Variants in SNTG1 observed in about 807,000 individuals in gnomAD.
SNTG1 encodes the protein gamma-1-syntrophin.
SNTG1 carries 39 observed loss-of-function variants against 74.7 expected under a neutral mutation model. The ratio of observed to expected loss-of-function variants is 0.52; its 90% CI spans 0.40 to 0.68. The LOEUF is 0.68. Ranked by LOEUF, SNTG1 falls within the 30% of genes least tolerant of loss-of-function variation. SNTG1 has a pLI of 0.00. For missense variants in SNTG1, 685 were observed against 609.5 expected (o/e 1.12, Z -1.30); for synonymous variants, 254 against 217.1 (o/e 1.17, Z -1.49).
At chr8:50,697,996 A>G (rs1428769435) in intron 15 of SNTG1, among the ~76,000 whole-genome samples, 1 of 152,162 alleles carries the variant, frequency 6.6e-6, no homozygotes, top group Non-Finnish European at 1.5e-5. Flanking sequence ...GAAAAGTTTC[A>G]GGAGTATTGG....
At chr8:50,598,332 T>C (rs142538255) in intron 13 of SNTG1, among the ~76,000 whole-genome samples, 1,901 of 152,030 alleles carry the variant, frequency 0.013, 43 homozygotes, top group African/African-American at 0.042. Context: ...TTCCCAACAT[T>C]GTTATTGAAA....
At chr8:50,763,674 G>T (rs937644330) in intron 18 of SNTG1, among the ~76,000 whole-genome samples, 2 of 149,530 alleles carry the variant, frequency 1.3e-5, no homozygotes, top group Non-Finnish European at 3.0e-5. Context: ...GTGTGTGTGT[G>T]TGTGTGTGTG....
chr8:50,412,654 A>G (rs150954295), intron 4 of SNTG1, among the ~76,000 whole-genome samples: 449 of 152,336 alleles, frequency 2.9e-3, no homozygotes, highest in African/African-American at 0.01. Flanking sequence ...TGCTTTCCAG[A>G]GGATGTGATT....
At chr8:50,389,528 A>G (rs143373694) in intron 2 of SNTG1, among the ~76,000 whole-genome samples, 48 of 152,290 alleles carry the variant, frequency 3.2e-4, no homozygotes, top group African/African-American at 1.1e-3. Flanking sequence ...ATTGTAAATA[A>G]TGCCACAATA....
intron 12 of SNTG1, among the ~76,000 whole-genome samples, chr8:50,584,360 GAACTAGTTTACCGTCCCACC>G (rs1169836271): frequency 1.3e-5 from 2 of 151,602 alleles, no homozygotes; most frequent in East Asian, 3.9e-4. Context: ...CACAATGGTT[GAACTAGTTTACCGTCCCACC>G]AACAGCGTAA....
intron 2 of SNTG1, among the ~76,000 whole-genome samples, chr8:50,293,482 T>A (rs2089222857): frequency 6.6e-6 from 1 of 151,454 alleles, no homozygotes; most frequent in Admixed American, 6.6e-5. Flanking sequence ...TGATCTCAGC[T>A]CACTGCAACC....
chr8:50,114,304 A>G (rs898888212), intron 1 of SNTG1, among the ~76,000 whole-genome samples: 1 of 152,218 alleles, frequency 6.6e-6, no homozygotes. Context: ...CAGTAAAAGA[A>G]TGTATCTCAT....
intron 2 of SNTG1, among the ~76,000 whole-genome samples, chr8:50,301,830 G>GTTTTTGTTTTTGT (rs1287089614): frequency 6.7e-6 from 1 of 148,556 alleles, no homozygotes; most frequent in Non-Finnish European, 1.5e-5. Flanking sequence ...GCTCTGTTTT[G>GTTTTTGTTTTTGT]TTTTTGTTTT....
At chr8:50,228,340 A>T (rs1292916862) in intron 2 of SNTG1, among the ~76,000 whole-genome samples, 1 of 151,976 alleles carries the variant, frequency 6.6e-6, no homozygotes, top group Non-Finnish European at 1.5e-5. Context: ...CTTACAAAGA[A>T]AAAAAGATGA....
intron 2 of SNTG1, among the ~76,000 whole-genome samples, chr8:50,358,458 G>A (rs2091876919): frequency 1.3e-5 from 2 of 152,186 alleles, no homozygotes; most frequent in Non-Finnish European, 2.9e-5. Context: ...ACACACTAAA[G>A]GAGAAAATCA....
At position 50,689,928 on chromosome 8, in the gene SNTG1, C is replaced by T. The variant is rs992965510; in HGVS notation, c.1039-14672C>T. On this transcript the variant is annotated intron_variant, in intron 15 of 18. Transcript: ENST00000642720. The stretch of plus-strand genomic sequence containing the variant: ...TTGATTATTGCGTCAATTTCAGAGC[C>T]TGTTATTGGTCTATTCAGAGATTCA... Among the ~76,000 whole-genome samples, 4 of 152,104 alleles carry T rather than the reference C, an allele frequency of 2.6e-5. No homozygotes were observed. In the East Asian group the frequency reaches 5.8e-4, roughly 22 times the overall value.
intron 13 of SNTG1, among the ~76,000 whole-genome samples, chr8:50,644,798 T>C (rs2095096766): frequency 6.6e-6 from 1 of 152,184 alleles, no homozygotes; most frequent in South Asian, 2.1e-4. Context: ...TTAGGAGTGT[T>C]GTGGGGTGAC....
intron 2 of SNTG1, among the ~76,000 whole-genome samples, chr8:50,294,478 G>A (rs1483560474): frequency 6.6e-6 from 1 of 152,164 alleles, no homozygotes; most frequent in Admixed American, 6.6e-5. Flanking sequence ...TGCAGTTGAA[G>A]TTCAAAGACC....
chr8:50,433,693 G>T (rs1474693683), intron 4 of SNTG1, among the ~76,000 whole-genome samples: 2 of 152,006 alleles, frequency 1.3e-5, no homozygotes, highest in Non-Finnish European at 2.9e-5. Context: ...AATAATGTTT[G>T]AATGAATATT....
rs537483385 is a variant in SNTG1, at chr8:50,369,990, C to T, written c.-27-24222C>T. Among the ~76,000 whole-genome samples, 11 of 152,170 alleles carry T rather than the reference C, an allele frequency of 7.2e-5. 1 individual carries two copies. In the South Asian group the frequency reaches 2.1e-3, roughly 29 times the overall value. ...GTCTATATTCCATGGTGTGATCTGGCCATAGAGATATGCAGAATATCACCA... is the reference window on the plus strand; with the variant it reads ...GTCTATATTCCATGGTGTGATCTGGTCATAGAGATATGCAGAATATCACCA... On this transcript the variant is annotated intron_variant, in intron 2 of 18. Transcript: ENST00000642720.
intron 1 of SNTG1, among the ~76,000 whole-genome samples, chr8:50,060,981 T>G (rs1445994603): frequency 2.0e-5 from 3 of 152,166 alleles, no homozygotes; most frequent in Non-Finnish European, 2.9e-5. Flanking sequence ...CTTTTAATGT[T>G]TAAGCTCAAG....
chr8:50,144,462 A>C (rs1479030747), intron 1 of SNTG1, among the ~76,000 whole-genome samples: 1 of 152,234 alleles, frequency 6.6e-6, no homozygotes, highest in African/African-American at 2.4e-5. Flanking sequence ...AGGAGGAGCC[A>C]GCTGCATACA....
At chr8:50,201,737 T>C (rs571999198) in intron 2 of SNTG1, among the ~76,000 whole-genome samples, 14 of 152,286 alleles carry the variant, frequency 9.2e-5, no homozygotes, top group African/African-American at 3.1e-4. Flanking sequence ...TGTATATTCA[T>C]TGGCTTTTAA....
chr8:50,659,504 A>G (rs1006065429), intron 15 of SNTG1, among the ~76,000 whole-genome samples: 1 of 152,218 alleles, frequency 6.6e-6, no homozygotes, highest in Non-Finnish European at 1.5e-5. Context: ...TTAAAATATA[A>G]TAAAATGCAT....
Sources: gnomAD v4.1 joint callset for allele counts (sites outside exome capture counted in the v4.1 genomes callset) on GRCh38, gnomAD v4.1.1 for gene constraint, MANE v1.5 for transcripts, NCBI Gene and HGNC (gene_info 2026-07-23, HGNC 2026-07-21) for gene names.